The following SGSM1 variants were observed in gnomAD, a reference collection of about 807,000 sequenced individuals.
The protein encoded by SGSM1 is RUN and TBC1 domain containing 2.
Under a neutral mutation model 133.8 loss-of-function variants are expected in SGSM1, and 73 were observed. The ratio of observed to expected loss-of-function variants is 0.55; its 90% CI spans 0.45 to 0.66. SGSM1 has a LOEUF of 0.66. Among genes scored for constraint, SGSM1 ranks in the 30% least tolerant of loss-of-function variants. The pLI, the probability that SGSM1 is intolerant of heterozygous loss-of-function variation, is 0.00. For missense variants in SGSM1, 1,213 were observed against 1,448.1 expected, an observed-to-expected ratio of 0.84 and a Z score of 2.64; for synonymous variants, 563 against 573.0, an observed-to-expected ratio of 0.98 and a Z score of 0.25.
chr22:24,879,833 T>A (rs115950775), intron 14 of SGSM1, among the ~76,000 whole-genome samples: 1,768 of 152,250 alleles, frequency 0.012, 18 homozygotes, highest in African/African-American at 0.04. Flanking sequence ...TTTTCAGGAT[T>A]GAATGAGGAC....
In SGSM1 at chr22:24,886,683, C is replaced by A; in HGVS notation, c.1725C>A (p.Leu575=). 1 of 1,576,038 alleles carries A rather than the reference C, an allele frequency of 6.3e-7. No homozygotes were observed. The highest frequency in any genetic ancestry group is 2.3e-5 in the East Asian group (1 of 42,628). The change falls in exon 16 of 25, where the codon CTC becomes CTA. Residue 575 remains leucine (L), a synonymous_variant. Coordinates refer to ENST00000400358, the MANE Select transcript of SGSM1 (RefSeq NM_001098497.3). ...PEIRKAVWPF[L]LGHYQFGMTE... is the part of the protein sequence containing the mutation. ...TCCGCAAGGCCGTGTGGCCCTTCCT[C>A]CTGGGCCACTACCAGTTCGGGATGA...
At chr22:24,921,331 C>T (rs541724996) in intron 24 of SGSM1, among the ~76,000 whole-genome samples, 1 of 152,276 alleles carries the variant, frequency 6.6e-6, no homozygotes, top group African/African-American at 2.4e-5. Flanking sequence ...AACTCCTGAC[C>T]TCAGGCGATC....
At position 24,855,370 on chromosome 22, in the gene SGSM1, GCA is replaced by G; in HGVS notation, c.611_612del (p.His204ProfsTer31). On this transcript the variant is annotated frameshift_variant, in exon 7 of 25. Transcript: ENST00000400358. LOFTEE classifies it high-confidence loss of function. ...CCTCGGCTGACGAACTTGTCCAGAG[GCA>G]CCGCATCCACAGCTCCCACGTGCGG... is the stretch of plus-strand genomic sequence containing the variant. ...DPSADELVQR[H>X]RIHSSHVRQD... 1.2e-6 allele frequency: 2 copies of G among 1,613,626 alleles called. No individual in the cohort carries two copies. Among genetic ancestry groups the G allele is most frequent in the Non-Finnish European group, 1.7e-6 (2 of 1,179,814 alleles).
At chr22:24,920,042 C>G (rs1602000615) in intron 24 of SGSM1, 49 bp downstream of exon 24, 3 of 1,543,456 alleles carry the variant, frequency 1.9e-6, no homozygotes, top group African/African-American at 2.7e-5. Flanking sequence ...CTTCTGGAGG[C>G]CCCTTTTGGG....
chr22:24,819,970 G>A (rs1486300544), intron 2 of SGSM1, among the ~76,000 whole-genome samples: 6 of 152,150 alleles, frequency 3.9e-5, no homozygotes, highest in African/African-American at 1.4e-4. Context: ...AAGTCTTCGT[G>A]TATCTTCCTC....
In SGSM1 at chr22:24,867,123, C is replaced by T. The variant is rs750927054; in HGVS notation, c.957C>T (p.Arg319=). 1.0e-4 allele frequency: 168 copies of T among 1,613,846 alleles called. No homozygotes were observed. The highest frequency in any genetic ancestry group is 3.3e-4 in the Middle Eastern group (2 of 6,062). Residue 319 remains arginine, a synonymous_variant, in exon 10 of 25, where the codon CGC becomes CGT. Transcript: ENST00000400358. The stretch of plus-strand genomic sequence containing the variant: ...ACTGGGACTATGCCATGACCATCCG[C>T]TTGGAGGAGATTGTCTACCTGCACT... ...SVYWDYAMTI[R]LEEIVYLHCH... is the part of the protein sequence containing the mutation.
At position 24,905,106 on chromosome 22, in the gene SGSM1, T is replaced by A; in HGVS notation, c.2737T>A (p.Tyr913Asn). ...LEKLRNIMCS[Y>N]IWQHIEIGYV... is the part of the protein sequence containing the mutation. ...ATTGGCCCCTTGTGTCTCTTCTAGC[T>A]ACATCTGGCAGCACATTGAGATCGG... The change falls in exon 21 of 25, where the codon TAC (tyrosine) becomes AAC (asparagine). Residue 913 changes from tyrosine (Y) to asparagine (N), a missense_variant and splice_region_variant. Transcript: ENST00000400358. The A allele has an allele frequency of 6.2e-7, 1 of 1,613,996 alleles. No individual in the cohort carries two copies. Among genetic ancestry groups the A allele is most frequent in the Non-Finnish European group, 8.5e-7 (1 of 1,179,854 alleles).
In SGSM1 at chr22:24,919,870, G is replaced by A. The variant is rs1440662449; in HGVS notation, c.3070G>A (p.Ala1024Thr). Residue 1024 changes from alanine (A) to threonine (T), a missense_variant, in exon 24 of 25, where the codon GCA becomes ACA. Coordinates refer to ENST00000400358, the MANE Select transcript of SGSM1 (RefSeq NM_001098497.3). ...DVFLVWETIWAAKHVSSAHYV... is the reference protein window; with the variant it reads ...DVFLVWETIWTAKHVSSAHYV... ...CTTCTTGGTCTGGGAGACCATCTGG[G>A]CAGCCAAACACGTCTCCTCTGCGCA... 1 of 1,614,070 alleles carries A rather than the reference G, an allele frequency of 6.2e-7. No homozygotes were observed. Among genetic ancestry groups the A allele is most frequent in the Admixed American group, 1.7e-5 (1 of 60,034 alleles).
chr22:24,916,126 G>C (rs555612343), intron 22 of SGSM1, among the ~76,000 whole-genome samples: 1 of 151,772 alleles, frequency 6.6e-6, no homozygotes, highest in East Asian at 1.9e-4. Flanking sequence ...GTGGCTTTTC[G>C]TTTATTCACA....
At chr22:24,835,668 G>C (rs1929383417) in intron 2 of SGSM1, among the ~76,000 whole-genome samples, 1 of 152,066 alleles carries the variant, frequency 6.6e-6, no homozygotes, top group Non-Finnish European at 1.5e-5. Context: ...CAGGCAAAGG[G>C]AACAGGAATT....
intron 8 of SGSM1, 29 bp from the exon 9 acceptor site, chr22:24,859,687 G>A: frequency 6.2e-7 from 1 of 1,612,828 alleles, no homozygotes; most frequent in Non-Finnish European, 8.5e-7. Context: ...CAGCACCATG[G>A]CCAGACCTGA....
At chr22:24,867,901 A>G (rs1488359517) in intron 10 of SGSM1, among the ~76,000 whole-genome samples, 4 of 152,202 alleles carry the variant, frequency 2.6e-5, no homozygotes, top group African/African-American at 7.2e-5. Flanking sequence ...AGGCAATAAT[A>G]GATAGGACTC....
intron 8 of SGSM1, among the ~76,000 whole-genome samples, chr22:24,858,840 C>A (rs527275188): frequency 6.6e-6 from 1 of 152,290 alleles, no homozygotes; most frequent in East Asian, 1.9e-4. Flanking sequence ...ACCTACATTT[C>A]ACATGTGAAA....
chr22:24,874,186 C>T (rs530645099), intron 12 of SGSM1, among the ~76,000 whole-genome samples: 1 of 152,314 alleles, frequency 6.6e-6, no homozygotes, highest in Non-Finnish European at 1.5e-5. Flanking sequence ...AACTGGTTTC[C>T]TTAGGTTTGC....
At chr22:24,825,940 TTCAGCAGGCC>T (rs1440040855) in intron 2 of SGSM1, among the ~76,000 whole-genome samples, 1 of 152,136 alleles carries the variant, frequency 6.6e-6, no homozygotes, top group Admixed American at 6.5e-5. Flanking sequence ...GGCGCTCTGA[TTCAGCAGGCC>T]TCAGAGGAGC....
At chr22:24,882,226 C>G (rs1205406497) in intron 14 of SGSM1, among the ~76,000 whole-genome samples, 4 of 152,006 alleles carry the variant, frequency 2.6e-5, no homozygotes, top group Non-Finnish European at 5.9e-5. Context: ...GCCAGTATGC[C>G]TGGCTAGTTT....
intron 2 of SGSM1, among the ~76,000 whole-genome samples, chr22:24,816,447 G>A (rs140183594): frequency 0.01 from 1,236 of 120,520 alleles, 20 homozygotes; most frequent in African/African-American, 0.035. Context: ...ATGGTGTCTC[G>A]CTCTGTTGCC....
chr22:24,916,979 A>G (rs1000860703), intron 22 of SGSM1, among the ~76,000 whole-genome samples: 1 of 151,946 alleles, frequency 6.6e-6, no homozygotes. Flanking sequence ...CCTGGGCTCA[A>G]GTGATCCTCC....
intron 14 of SGSM1, among the ~76,000 whole-genome samples, chr22:24,882,871 C>T (rs1297250678): frequency 6.6e-6 from 1 of 151,840 alleles, no homozygotes; most frequent in Non-Finnish European, 1.5e-5. Context: ...TATTCCATCA[C>T]ATTTGTATAC....
Sources: allele counts gnomAD v4.1 joint callset (sites outside exome capture counted in the v4.1 genomes callset), GRCh38; gene constraint gnomAD v4.1.1; transcripts MANE v1.5; gene names NCBI Gene and HGNC (gene_info 2026-07-23, HGNC 2026-07-21).